MAP4: variants seen among roughly 807,000 people sequenced by gnomAD.
The protein encoded by MAP4 is microtubule associated protein 4, also known as microtubule-associated protein 4.
Under a neutral mutation model 170.2 loss-of-function variants are expected in MAP4, and 76 were observed. The observed-to-expected ratio is 0.45, with a 90% CI of 0.37 to 0.54. MAP4 has a LOEUF of 0.54. Among genes scored for constraint, MAP4 ranks in the 20% least tolerant of loss-of-function variants. The pLI is 0.00. For missense variants in MAP4, 2,506 were observed against 2,748.0 expected (o/e 0.91, Z 1.97); for synonymous variants, 909 against 994.5 (o/e 0.91, Z 1.62).
At chr3:47,922,026 C>T (rs900716220) in intron 4 of MAP4, 148 bp from the exon 5 acceptor site, 5 of 547,160 alleles carry the variant, frequency 9.1e-6, no homozygotes, top group African/African-American at 7.6e-5. Context: ...TGGTTCACTG[C>T]AACCTCTACC....
At chr3:47,955,700 A>G (rs1187319027) in intron 3 of MAP4, among the ~76,000 whole-genome samples, 1 of 152,194 alleles carries the variant, frequency 6.6e-6, no homozygotes, top group African/African-American at 2.4e-5. Context: ...TAACATCACC[A>G]ACAATGAAAA....
Position 47,852,843 on chromosome 3 carries a change from G to A in MAP4, c.*91C>T, listed in dbSNP as rs936412766. On this transcript the variant is annotated 3_prime_UTR_variant, in exon 21 of 21. Coordinates refer to ENST00000683076, the MANE Select transcript of MAP4 (RefSeq NM_001385682.1). ...CAAGGACCCGGGAGCCCGAGTTGGG[G>A]CCGCCAGGGAAGTGTGGGGGGCGGG... 9.0e-6 allele frequency: 14 copies of A among 1,556,136 alleles called. No individual in the cohort carries two copies. The highest frequency in any genetic ancestry group is 1.4e-5 in the African/African-American group (1 of 73,176).
Position 47,911,755 on chromosome 3 carries a change from T to C in MAP4, c.2666A>G (p.Gln889Arg). The change falls in exon 9 of 21, where the codon CAA becomes CGA. Residue 889 changes from glutamine to arginine, a missense_variant. This residue lies in a region of MAP4 where 2,008 missense variants were observed against 2,206.0 expected (regional missense o/e 0.91). Transcript: ENST00000683076. The surrounding 1 kb of genome is among the most constrained non-coding windows in gnomAD (Gnocchi z 4.0). Reference sequence around the variant, plus strand: ...CTTCAGCAATTTCTTGTCTTGGTTTTGTAGTACTGACTTGTTACTTTTGCT... The same window carrying C: ...CTTCAGCAATTTCTTGTCTTGGTTTCGTAGTACTGACTTGTTACTTTTGCT... ...EESKSNKSVL[Q>R]NQDKKLLKQH... 3 of 1,536,154 alleles carry C rather than the reference T, an allele frequency of 2.0e-6. No homozygotes were observed. Among genetic ancestry groups the C allele is most frequent in the Non-Finnish European group, 2.6e-6 (3 of 1,146,916 alleles).
intron 4 of MAP4, among the ~76,000 whole-genome samples, chr3:47,927,468 T>G (rs1577750909): frequency 6.6e-6 from 1 of 151,782 alleles, no homozygotes; most frequent in East Asian, 1.9e-4. Context: ...CTTTTGTTTG[T>G]TTGTTTGTTT....
intron 4 of MAP4, among the ~76,000 whole-genome samples, chr3:47,922,926 T>C (rs1360204809): frequency 6.6e-6 from 1 of 152,088 alleles, no homozygotes; most frequent in Non-Finnish European, 1.5e-5. Context: ...GGCACGTGCC[T>C]GTAGTCCCAG....
chr3:48,038,135 T>A (rs2100119703), intron 1 of MAP4, among the ~76,000 whole-genome samples: 1 of 145,850 alleles, frequency 6.9e-6, no homozygotes, highest in Non-Finnish European at 1.5e-5. Flanking sequence ...GCCATTGCAT[T>A]CCAGCCTGGG....
rs2058485179 is a variant in MAP4, at chr3:47,857,451, G to A, written c.6563C>T (p.Ala2188Val). The A allele has an allele frequency of 6.2e-7, 1 of 1,614,084 alleles. No homozygotes were observed. The highest frequency in any genetic ancestry group is 1.7e-5 in the Admixed American group (1 of 60,022). ...CTCACCAGGCTTGTGCTTGATGTTAGCCTTAGACCCACACTTGGAGGAGAC... is the reference window on the plus strand; with the variant it reads ...CTCACCAGGCTTGTGCTTGATGTTAACCTTAGACCCACACTTGGAGGAGAC... Reference protein sequence around the residue: ...SKVSSKCGSKANIKHKPGGGD... With the variant: ...SKVSSKCGSKVNIKHKPGGGD... The change falls in exon 18 of 21, where the codon GCT becomes GTT. Residue 2188 changes from alanine (A) to valine (V), a missense_variant. Coordinates refer to ENST00000683076, the MANE Select transcript of MAP4 (RefSeq NM_001385682.1).
At chr3:47,928,920 A>G (rs983709480) in intron 3 of MAP4, among the ~76,000 whole-genome samples, 3 of 152,196 alleles carry the variant, frequency 2.0e-5, no homozygotes, top group African/African-American at 7.2e-5. Flanking sequence ...CCTGAAAATG[A>G]CCAATATATT....
At chr3:47,884,255 T>A (rs570573839) in intron 10 of MAP4, among the ~76,000 whole-genome samples, 1 of 152,364 alleles carries the variant, frequency 6.6e-6, no homozygotes, top group South Asian at 2.1e-4. Flanking sequence ...TGTCCTCTGT[T>A]ATCTGCAGTC....
intron 1 of MAP4, among the ~76,000 whole-genome samples, chr3:48,053,525 C>A (rs1028807405): frequency 6.6e-6 from 1 of 152,098 alleles, no homozygotes; most frequent in African/African-American, 2.4e-5. Context: ...GCCACATGAA[C>A]ACTTTTATTT....
In MAP4 at chr3:48,048,098, G is replaced by C. The variant is rs2100125530; in HGVS notation, c.-20+40675C>G. 2.0e-5 allele frequency among the ~76,000 whole-genome samples: 3 copies of C among 152,102 alleles called. No individual in the cohort carries two copies. In the South Asian group the frequency reaches 6.2e-4, roughly 31 times the overall value. The stretch of plus-strand genomic sequence containing the variant: ...GCCACTGTACTGGGCAATGTATCTA[G>C]ACTCCCATCTTTTAAAAAGAGAGAG... On this transcript the variant is annotated intron_variant, in intron 1 of 18. Transcript: ENST00000360240.
At chr3:47,922,664 AT>A in intron 4 of MAP4, among the ~76,000 whole-genome samples, 1 of 152,324 alleles carries the variant, frequency 6.6e-6, no homozygotes, top group Admixed American at 6.5e-5. Context: ...AACAATTGTT[AT>A]CCTAACAGAA....
intron 2 of MAP4, among the ~76,000 whole-genome samples, chr3:47,993,434 T>A (rs894354522): frequency 1.3e-5 from 2 of 152,134 alleles, no homozygotes; most frequent in African/African-American, 4.8e-5. Context: ...ATGATCTAAT[T>A]GAAGAGGATT....
At chr3:47,856,817 A>G (rs319680) in intron 18 of MAP4, among the ~76,000 whole-genome samples, 52,093 of 152,142 alleles carry the variant, frequency 0.34, 10,653 homozygotes, top group African/African-American at 0.58. Flanking sequence ...GCCTGCTGCT[A>G]CAGCAGTCCT....
chr3:47,995,299 G>C (rs1194838316), intron 2 of MAP4, among the ~76,000 whole-genome samples: 1 of 143,044 alleles, frequency 7.0e-6, no homozygotes, highest in Non-Finnish European at 1.5e-5. Flanking sequence ...CGCCCAGGCT[G>C]GAGTGCAGTG....
chr3:47,864,475 G>C (rs1299318582), intron 17 of MAP4, among the ~76,000 whole-genome samples: 1 of 152,158 alleles, frequency 6.6e-6, no homozygotes, highest in Non-Finnish European at 1.5e-5. Flanking sequence ...AGGAGATGGA[G>C]ACCATTCTGG....
intron 3 of MAP4, among the ~76,000 whole-genome samples, chr3:47,965,031 C>G (rs1235354623): frequency 6.6e-6 from 1 of 152,152 alleles, no homozygotes; most frequent in Non-Finnish European, 1.5e-5. Context: ...CTCTCCCAGC[C>G]CCTGGGAACC....
Position 47,918,949 on chromosome 3 carries a change from GAC to G in MAP4, c.530-110_530-109del, listed in dbSNP as rs1344205686. ...TTTGTTTTGTTTGTTTTTTTTTTGAGACAGAGTTTCGCTCTGTTGCCCACGCA... is the reference window on the plus strand; with the variant it reads ...TTTGTTTTGTTTGTTTTTTTTTTGAGAGAGTTTCGCTCTGTTGCCCACGCA... On this transcript the variant is annotated intron_variant, in intron 5 of 20. Coordinates refer to ENST00000683076, the MANE Select transcript of MAP4 (RefSeq NM_001385682.1). 3.9e-5 allele frequency: 37 copies of G among 947,302 alleles called. No individual in the cohort carries two copies. In the East Asian group the frequency reaches 6.2e-4, roughly 16 times the overall value. The allele number at this position is 947,302 out of a possible 1,614,324, so 58.7% of individuals were successfully genotyped here.
chr3:47,869,813 A>C (rs143665266), intron 15 of MAP4, among the ~76,000 whole-genome samples: 18 of 152,170 alleles, frequency 1.2e-4, no homozygotes, highest in African/African-American at 4.1e-4. Flanking sequence ...CCCACCCAAG[A>C]ACTCCTGTAA....
Sources: gnomAD v4.1 joint callset for allele counts (sites outside exome capture counted in the v4.1 genomes callset) on GRCh38, gnomAD v4.1.1 for gene constraint, gnomAD v4.1.1 regional missense constraint, Gnocchi (gnomAD v3.1) non-coding constraint, MANE v1.5 for transcripts, NCBI Gene and HGNC (gene_info 2026-07-23, HGNC 2026-07-21) for gene names.